Variants in POFUT3 observed in about 807,000 individuals in gnomAD.
The protein encoded by POFUT3 is GDP-fucose protein O-fucosyltransferase 3.
At chr8:33,400,274 A>C in the POFUT3 span, among the ~76,000 whole-genome samples, 2 of 151,802 alleles carry the variant, frequency 1.3e-5, no homozygotes, top group Admixed American at 6.6e-5. Context: ...CAAGATGGTG[A>C]AACTCTGTCT....
chr8:33,396,160 C>T, the POFUT3 span, among the ~76,000 whole-genome samples: 2 of 152,060 alleles, frequency 1.3e-5, no homozygotes, highest in Admixed American at 1.3e-4. Context: ...TAACTCACCC[C>T]CAACAGTAGA....
At chr8:33,429,889 G>A in the POFUT3 span, among the ~76,000 whole-genome samples, 5 of 151,604 alleles carry the variant, frequency 3.3e-5, no homozygotes, top group African/African-American at 7.3e-5. Context: ...CCAGCTACTC[G>A]GGAGAGTGAA....
chr8:33,441,584 C>T, the POFUT3 span, among the ~76,000 whole-genome samples: 1 of 151,790 alleles, frequency 6.6e-6, no homozygotes, highest in African/African-American at 2.4e-5. Flanking sequence ...TTTCCATATG[C>T]TGCCCAGGCT....
the POFUT3 span, among the ~76,000 whole-genome samples, chr8:33,457,633 T>C: frequency 6.6e-6 from 1 of 152,208 alleles, no homozygotes; most frequent in Non-Finnish European, 1.5e-5. Flanking sequence ...GGTTACATTA[T>C]ATTTTTCAAA....
the POFUT3 span, among the ~76,000 whole-genome samples, chr8:33,323,751 TATA>T: frequency 1.3e-5 from 2 of 152,162 alleles, no homozygotes; most frequent in Non-Finnish European, 2.9e-5. Context: ...TCAGAAACCT[TATA>T]ATAAGTGAAG....
At chr8:33,347,168 A>C in the POFUT3 span, among the ~76,000 whole-genome samples, 1 of 152,160 alleles carries the variant, frequency 6.6e-6, no homozygotes, top group Admixed American at 6.6e-5. Context: ...TCCCTAAAAA[A>C]AACAAGCATC....
the POFUT3 span, among the ~76,000 whole-genome samples, chr8:33,318,224 G>A: frequency 5.9e-5 from 9 of 151,494 alleles, no homozygotes; most frequent in African/African-American, 1.2e-4. Flanking sequence ...TTGTATTTTC[G>A]TCTGAAGTTT....
the POFUT3 span, among the ~76,000 whole-genome samples, chr8:33,370,011 C>T: frequency 6.6e-6 from 1 of 151,716 alleles, no homozygotes; most frequent in African/African-American, 2.4e-5. Flanking sequence ...AGGCTTCTGA[C>T]CACTTTGTAA....
At chr8:33,415,852 A>G in the POFUT3 span, among the ~76,000 whole-genome samples, 2 of 152,226 alleles carry the variant, frequency 1.3e-5, no homozygotes. Context: ...AAGGGAAAAA[A>G]GCGGGTTTAA....
the POFUT3 span, chr8:33,461,629 G>A: frequency 6.5e-7 from 1 of 1,529,220 alleles, no homozygotes; most frequent in South Asian, 1.2e-5. Context: ...TTGTGAGAGG[G>A]TCTGGCTTGG....
the POFUT3 span, among the ~76,000 whole-genome samples, chr8:33,309,969 G>A: frequency 6.6e-6 from 1 of 152,130 alleles, no homozygotes; most frequent in South Asian, 2.1e-4. Context: ...CCCCCGTGCT[G>A]CATATGATTT....
chr8:33,389,449 G>A, the POFUT3 span: 1 of 1,614,206 alleles, frequency 6.2e-7, no homozygotes, highest in Non-Finnish European at 8.5e-7. Flanking sequence ...ATTCACCATA[G>A]GAATCGACCT....
the POFUT3 span, among the ~76,000 whole-genome samples, chr8:33,328,870 C>A: frequency 1.1e-4 from 16 of 152,298 alleles, no homozygotes; most frequent in Middle Eastern, 3.4e-3. Flanking sequence ...AGGGAGAGGG[C>A]ATTCTCTAAA....
At chr8:33,340,263 T>C in the POFUT3 span, among the ~76,000 whole-genome samples, 3 of 151,966 alleles carry the variant, frequency 2.0e-5, no homozygotes, top group Non-Finnish European at 2.9e-5. Context: ...CACACACATA[T>C]ATGTAAATGG....
the POFUT3 span, among the ~76,000 whole-genome samples, chr8:33,417,883 G>T: frequency 2.0e-5 from 3 of 152,146 alleles, no homozygotes; most frequent in Admixed American, 6.5e-5. Flanking sequence ...CCAGTGCAAG[G>T]AAGGAGTTGC....
At chr8:33,318,613 GTATA>G in the POFUT3 span, among the ~76,000 whole-genome samples, 4 of 71,794 alleles carry the variant, frequency 5.6e-5, no homozygotes, top group Non-Finnish European at 9.2e-5. Flanking sequence ...TAAATATATT[GTATA>G]TATATTTATA....
the POFUT3 span, among the ~76,000 whole-genome samples, chr8:33,318,620 T>A: frequency 2.3e-5 from 2 of 87,514 alleles, no homozygotes; most frequent in African/African-American, 6.1e-5. Context: ...ATTGTATATA[T>A]ATTTATATAA....
At chr8:33,372,225 G>A in the POFUT3 span, 1 of 1,020,066 alleles carries the variant, frequency 9.8e-7, no homozygotes, top group Non-Finnish European at 1.2e-6. Flanking sequence ...TTGAGAGTGA[G>A]GTGAGTATCA....
At chr8:33,405,115 T>C in the POFUT3 span, among the ~76,000 whole-genome samples, 2 of 152,106 alleles carry the variant, frequency 1.3e-5, no homozygotes. Context: ...TAGTTATGTG[T>C]GCACCTGTTT....
Sources: allele counts gnomAD v4.1 joint callset (sites outside exome capture counted in the v4.1 genomes callset), GRCh38; gene constraint gnomAD v4.1.1; transcripts MANE v1.5; gene names NCBI Gene and HGNC (gene_info 2026-07-23, HGNC 2026-07-21).